Variants in KMT2D observed in about 807,000 individuals in gnomAD.
KMT2D encodes the protein histone-lysine N-methyltransferase 2D.
KMT2D carries 55 observed loss-of-function variants against 512.7 expected under a neutral mutation model. The ratio of observed to expected loss-of-function variants is 0.11; its 90% CI spans 0.09 to 0.13. KMT2D has a LOEUF of 0.13. Ranked by LOEUF, KMT2D falls within the 10% of genes least tolerant of loss-of-function variation. The probability of loss-of-function intolerance (pLI) is 1.00; values close to 1 mark genes in which losing one functional copy is unlikely to be tolerated. For missense variants in KMT2D, 6,061 were observed against 7,127.9 expected (o/e 0.85, Z 5.39); for synonymous variants, 2,995 against 2,904.0 (o/e 1.03, Z -1.01).
At position 49,038,586 on chromosome 12, in the gene KMT2D, G is replaced by A. The variant is rs2120500590; in HGVS notation, c.8770C>T (p.Leu2924=). ...TGTGGGGGAAGACCTGATACCGCCA[G>A]GCCCCGAAGCCCTTCAGGAGCCAGT... is the stretch of plus-strand genomic sequence containing the variant. The part of the protein sequence containing the change: ...HRLAPEGLRG[L]AVSGLPPQKP... The change falls in exon 35 of 55, where the codon CTG becomes TTG. Residue 2924 remains leucine (L), a synonymous_variant. Transcript: ENST00000301067. The surrounding 1 kb of genome is among the most constrained non-coding windows in gnomAD (Gnocchi z 5.7). The A allele has an allele frequency of 6.2e-7, 1 of 1,612,680 alleles. No homozygotes were observed. Among genetic ancestry groups the A allele is most frequent in the Non-Finnish European group, 8.5e-7 (1 of 1,179,322 alleles).
Position 49,046,826 on chromosome 12 carries a change from G to A in KMT2D, c.4237-36C>T, listed in dbSNP as rs1366559845. On this transcript the variant is annotated intron_variant, in intron 15 of 54. Transcript: ENST00000301067. This position sits in a 1 kb window ranked among gnomAD's most constrained non-coding sequence, Gnocchi z 4.2. ...AGATGGGAACTTCTCAGGGTGTGAG[G>A]TGGAAAAGAGGTAGAACTTCTTTTT... The A allele has an allele frequency of 3.2e-6, 5 of 1,571,672 alleles. No individual in the cohort carries two copies. Among genetic ancestry groups the A allele is most frequent in the South Asian group, 1.2e-5 (1 of 86,956 alleles).
At chr12:49,028,646 C>G (rs976284373) in intron 46 of KMT2D, among the ~76,000 whole-genome samples, 182 bp downstream of exon 46, 1 of 152,180 alleles carries the variant, frequency 6.6e-6, no homozygotes, top group Non-Finnish European at 1.5e-5. Flanking sequence ...GACTACGAGC[C>G]CCGTGAGGGC....
rs1592112854 is a variant in KMT2D at position 49,030,383 on chromosome 12, T to TG, written c.13895dup (p.Ser4633IlefsTer14). On this transcript the variant is annotated frameshift_variant, in exon 43 of 55. Coordinates refer to ENST00000301067, the MANE Select transcript of KMT2D (RefSeq NM_003482.4). LOFTEE classifies it high-confidence loss of function. The stretch of plus-strand genomic sequence containing the variant: ...CATTCACCATCTTCTGCTGCACCGA[T>TG]GGGGGTGGGGTGGGGGGCAGCGACG... 2.7e-6 allele frequency: 2 copies of TG among 728,642 alleles called. No individual in the cohort carries two copies. The highest frequency in any genetic ancestry group is 4.5e-6 in the Non-Finnish European group (2 of 447,024). The allele number at this position is 728,642 out of a possible 1,614,324, so 45.1% of individuals were successfully genotyped here. A position where few individuals can be genotyped will look rare whatever the true frequency, so the allele number is the denominator to read the frequency against.
At position 49,049,686 on chromosome 12, in the gene KMT2D, T is replaced by C. The variant is rs587778455; in HGVS notation, c.3902A>G (p.Lys1301Arg). The C allele has an allele frequency of 6.3e-6, 10 of 1,579,968 alleles. No individual in the cohort carries two copies. The African/African-American group carries it at 6.7e-5, about 11-fold the overall frequency. The change falls in exon 12 of 55, where the codon AAA becomes AGA. Residue 1301 changes from lysine to arginine, a missense_variant. By Grantham distance (26) the Lys-to-Arg change is conservative. Transcript: ENST00000301067. ...RRSSPARSRI[K>R]QGRSSSFPGR... ...CGCAGCTAGATAGCCCCTCACCTGT[T>C]TGATGCGGGAACGGGCTGGGGAGCT...
In KMT2D at chr12:49,031,998, G is replaced by A. The variant is rs1048328406; in HGVS notation, c.12707C>T (p.Ala4236Val). The A allele has an allele frequency of 6.2e-7, 1 of 1,600,814 alleles. No individual in the cohort carries two copies. Among genetic ancestry groups the A allele is most frequent in the Non-Finnish European group, 8.5e-7 (1 of 1,171,968 alleles). The change falls in exon 40 of 55, where the codon GCA becomes GTA. Residue 4236 changes from alanine (A) to valine (V), a missense_variant. Physicochemically the swap from Ala to Val is moderately conservative, Grantham distance 64. Transcript: ENST00000301067. The part of the protein sequence containing the change: ...LMQRQLQQSQ[A>V]VRQTPPYQEP... Reference sequence around the variant, plus strand: ...CTGGTAGGGTGGGGTCTGGCGTACTGCCTGACTCTGCTGCAGCTGCCGCTG... The same window carrying A: ...CTGGTAGGGTGGGGTCTGGCGTACTACCTGACTCTGCTGCAGCTGCCGCTG...
Position 49,026,294 on chromosome 12 carries a change from A to G in KMT2D, c.15672T>C (p.Arg5224=), listed in dbSNP as rs780312950. 1 of 1,611,826 alleles carries G rather than the reference A, an allele frequency of 6.2e-7. No homozygotes were observed. The highest frequency in any genetic ancestry group is 8.5e-7 in the Non-Finnish European group (1 of 1,178,114). The change falls in exon 49 of 55, where the codon CGT becomes CGC. Residue 5224 remains arginine (R), a synonymous_variant. Coordinates refer to ENST00000301067, the MANE Select transcript of KMT2D (RefSeq NM_003482.4). The surrounding 1 kb of genome is among the most constrained non-coding windows in gnomAD (Gnocchi z 9.6). ...RIYWSLRTNN[R]RCCYRCSIGE... ...CAATAGAACAGCGATAGCAGCAGCG[A>G]CGATTGTTGGTGCGGAGGCTCCAAT... is the stretch of plus-strand genomic sequence containing the variant.
rs1466229743 is a variant in KMT2D at position 49,033,580 on chromosome 12, G to A, written c.11125C>T (p.Leu3709Phe). ...FFPGNLALRS[L>F]GPDSRLLQER... ...TGTAAAAGCCTTGAATCAGGTCCGAGGCTTCGAAGAGCAAGGTTGCCAGGG... is the reference window on the plus strand; with the variant it reads ...TGTAAAAGCCTTGAATCAGGTCCGAAGCTTCGAAGAGCAAGGTTGCCAGGG... Residue 3709 changes from leucine (L) to phenylalanine (F), a missense_variant, in exon 40 of 55, where the codon CTC (leucine) becomes TTC (phenylalanine). Leu to Phe is a conservative substitution (Grantham distance 22). Coordinates refer to ENST00000301067, the MANE Select transcript of KMT2D (RefSeq NM_003482.4). 6.2e-7 allele frequency: 1 copy of A among 1,613,612 alleles called. No individual in the cohort carries two copies. Among genetic ancestry groups the A allele is most frequent in the Admixed American group, 1.7e-5 (1 of 60,028 alleles).
chr12:49,036,177 T>C (rs575392601), intron 35 of KMT2D, among the ~76,000 whole-genome samples: 14 of 152,286 alleles, frequency 9.2e-5, no homozygotes, highest in African/African-American at 3.4e-4. Context: ...CCCCATCTTA[T>C]CTCACCAAAA....
rs760323567 is a variant in KMT2D, at chr12:49,037,797, C to A, written c.9559G>T (p.Ala3187Ser). The change falls in exon 35 of 55, where the codon GCC becomes TCC. Residue 3187 changes from alanine to serine, a missense_variant. Around this residue, in one of 16 missense-constraint regions of KMT2D, gnomAD observed 533 missense variants for 539.6 expected, o/e 0.99. Coordinates refer to ENST00000301067, the MANE Select transcript of KMT2D (RefSeq NM_003482.4). ...AGGTGAGCTGGTGGTCCTCCCGTGG[C>A]CCCAAAGGAGGCCTTCTCAGCTGTG... ...GHTAEKASFGATGGPPAHLLT... is the reference protein window; with the variant it reads ...GHTAEKASFGSTGGPPAHLLT... The A allele has an allele frequency of 1.3e-6, 2 of 1,596,738 alleles. 1 individual carries two copies. The highest frequency in any genetic ancestry group is 2.3e-5 in the South Asian group (2 of 88,244).
intron 1 of KMT2D, among the ~76,000 whole-genome samples, chr12:49,057,892 A>T (rs1028485386): frequency 6.6e-6 from 1 of 152,236 alleles, no homozygotes. Context: ...CTGTGCTGGC[A>T]CCCCCTCAGT....
In KMT2D at chr12:49,039,051, T is replaced by A. The variant is rs2120508510; in HGVS notation, c.8367-62A>T. The A allele has an allele frequency of 6.5e-7, 1 of 1,529,430 alleles. No homozygotes were observed. The highest frequency in any genetic ancestry group is 8.9e-7 in the Non-Finnish European group (1 of 1,122,040). 94.7% of individuals were successfully genotyped at this position (1,529,430 alleles called of 1,614,324 possible). A position where few individuals can be genotyped will look rare whatever the true frequency, so the allele number is the denominator to read the frequency against. ...GATGAAAAGGAGCAAGAACATGGGC[T>A]TAGGGCAGTGAGGAAGGATAGAATT... is the stretch of plus-strand genomic sequence containing the variant. On this transcript the variant is annotated intron_variant, in intron 34 of 54. Transcript: ENST00000301067. The surrounding 1 kb of genome is among the most constrained non-coding windows in gnomAD (Gnocchi z 5.0).
chr12:49,019,596 C>T lies in KMT2D; in HGVS notation c.*2184G>A. On this transcript the variant is annotated 3_prime_UTR_variant, in exon 55 of 55. Transcript: ENST00000301067. ...AATCCCAGGGCCCAAGCCCCAAACACAGCCTGACTCACGGGAGCCAATCTC... is the reference window on the plus strand; with the variant it reads ...AATCCCAGGGCCCAAGCCCCAAACATAGCCTGACTCACGGGAGCCAATCTC... 2 of 229,310 alleles carry T rather than the reference C, an allele frequency of 8.7e-6. No individual in the cohort carries two copies. The highest frequency in any genetic ancestry group is 1.7e-5 in the Non-Finnish European group (2 of 115,298). The allele number at this position is 229,310 out of a possible 1,614,324, so 14.2% of individuals were successfully genotyped here.
In KMT2D at chr12:49,051,717, G is replaced by T. The variant is rs749130936; in HGVS notation, c.1966C>A (p.Leu656Met). 1.3e-5 allele frequency: 20 copies of T among 1,588,236 alleles called. No homozygotes were observed. The highest frequency in any genetic ancestry group is 6.9e-6 in the Non-Finnish European group (8 of 1,162,204). Residue 656 changes from leucine (L) to methionine (M), a missense_variant, in exon 11 of 55, where the codon CTG becomes ATG. Leu to Met is a conservative substitution (Grantham distance 15). Around this residue, in one of 16 missense-constraint regions of KMT2D, gnomAD observed 848 missense variants for 838.5 expected, o/e 1.01. Coordinates refer to ENST00000301067, the MANE Select transcript of KMT2D (RefSeq NM_003482.4). ...PPPEVSRLSPLPVVSRLSPPP... is the reference protein window; with the variant it reads ...PPPEVSRLSPMPVVSRLSPPP... ...GGAGACAGGCGTGACACCACAGGCAGGGGGGATAGGCGCGATACCTCAGGT... is the reference window on the plus strand; with the variant it reads ...GGAGACAGGCGTGACACCACAGGCATGGGGGATAGGCGCGATACCTCAGGT...
In KMT2D at chr12:49,022,763, G is replaced by A. The variant is rs1942389746; in HGVS notation, c.16165C>T (p.Arg5389Trp). 2 of 1,614,012 alleles carry A rather than the reference G, an allele frequency of 1.2e-6. No homozygotes were observed. The highest frequency in any genetic ancestry group is 1.7e-6 in the Non-Finnish European group (2 of 1,179,884). ...TTCTTCCATTCGGTGCGCAGCCGCC[G>A]GTACTGAGATGACTTGGAGTGCACA... ...QFVHSKSSQY[R>W]RLRTEWKNNV... The change falls in exon 52 of 55, where the codon CGG (arginine) becomes TGG (tryptophan). Residue 5389 changes from arginine to tryptophan, a missense_variant. By Grantham distance (101) the Arg-to-Trp change is moderately radical. Transcript: ENST00000301067. This position sits in a 1 kb window ranked among gnomAD's most constrained non-coding sequence, Gnocchi z 8.6.
chr12:49,025,123 G>A (rs950626876), intron 49 of KMT2D, among the ~76,000 whole-genome samples, 177 bp from the exon 50 acceptor site: 6 of 152,170 alleles, frequency 3.9e-5, no homozygotes, highest in African/African-American at 1.2e-4. Context: ...TTAAGAAGCA[G>A]GAGGTTTCCA....
chr12:49,044,709 CT>C lies in KMT2D; in HGVS notation c.4963+34del. 1 of 1,595,122 alleles carries C rather than the reference CT, an allele frequency of 6.3e-7. No individual in the cohort carries two copies. Among genetic ancestry groups the C allele is most frequent in the Non-Finnish European group, 8.6e-7 (1 of 1,164,374 alleles). On this transcript the variant is annotated intron_variant, in intron 20 of 54. Coordinates refer to ENST00000301067, the MANE Select transcript of KMT2D (RefSeq NM_003482.4). The surrounding 1 kb of genome is among the most constrained non-coding windows in gnomAD (Gnocchi z 6.4). ...TCCCACTCCCAGAGTCACGCTCCCC[CT>C]ACTCTGCCGCTCCCTAAGATTCCCC...
intron 43 of KMT2D, among the ~76,000 whole-genome samples, chr12:49,030,024 C>T (rs956500184): frequency 1.3e-5 from 2 of 152,150 alleles, no homozygotes; most frequent in Admixed American, 1.3e-4. Context: ...TAAAGCTGGA[C>T]TGTTCCTTCT....
chr12:49,060,091 C>A lies in KMT2D; in HGVS notation c.-516G>T, dbSNP rs993036430. ...CGCCTGGCCCGGATGGAACGTGAGA[C>A]CCTCGCAGGAGCGCCGAGCCCCTCT... On this transcript the variant is annotated 5_prime_UTR_variant, in exon 1 of 55. Coordinates refer to ENST00000301067, the MANE Select transcript of KMT2D (RefSeq NM_003482.4). 1.3e-5 allele frequency among the ~76,000 whole-genome samples: 2 copies of A among 151,084 alleles called. No homozygotes were observed. The highest frequency in any genetic ancestry group is 2.4e-5 in the African/African-American group (1 of 41,164).
chr12:49,051,958 T>A lies in KMT2D; in HGVS notation c.1725A>T (p.Pro575=), dbSNP rs371243627. Residue 575 remains proline (P), a synonymous_variant, in exon 11 of 55, where the codon CCA becomes CCT. Coordinates refer to ENST00000301067, the MANE Select transcript of KMT2D (RefSeq NM_003482.4). ...PPPEASRLSP[P]PEESPMSPPP... is the part of the protein sequence containing the mutation. Reference sequence around the variant, plus strand: ...GAGGGGACATGGGTGACTCCTCAGGTGGTGGAGACAGGCGAGATGCTTCAG... The same window carrying A: ...GAGGGGACATGGGTGACTCCTCAGGAGGTGGAGACAGGCGAGATGCTTCAG... 3.2e-4 allele frequency: 516 copies of A among 1,611,258 alleles called. No homozygotes were observed. The highest frequency in any genetic ancestry group is 4.1e-4 in the Non-Finnish European group (481 of 1,179,116).
Sources: gnomAD v4.1 joint callset for allele counts (sites outside exome capture counted in the v4.1 genomes callset) on GRCh38, gnomAD v4.1.1 for gene constraint, gnomAD v4.1.1 regional missense constraint, Gnocchi (gnomAD v3.1) non-coding constraint, MANE v1.5 for transcripts, NCBI Gene and HGNC (gene_info 2026-07-23, HGNC 2026-07-21) for gene names.